PML: variants seen among roughly 807,000 people sequenced by gnomAD.
PML encodes the protein protein PML.
In PML, 28 loss-of-function variants were observed where a neutral mutation model predicts 65.2. The observed-to-expected ratio is 0.43, with a 90% CI of 0.32 to 0.59. The LOEUF (loss-of-function observed/expected upper bound fraction) is 0.59. Among genes scored for constraint, PML ranks in the 20% least tolerant of loss-of-function variants. PML has a pLI of 0.08. For missense variants in PML, 1,021 were observed against 1,203.4 expected (o/e 0.85, Z 2.24); for synonymous variants, 500 against 508.8 (o/e 0.98, Z 0.23).
intron 4 of PML, chr15:74,031,230 T>C: frequency 2.3e-6 from 1 of 442,888 alleles, no homozygotes; most frequent in South Asian, 1.6e-5. Context: ...AATAGGATCA[T>C]ACAATGTGTA....
intron 7 of PML, chr15:74,041,575 G>C (rs2141894502): frequency 6.6e-6 from 1 of 152,378 alleles, no homozygotes; most frequent in Admixed American, 6.5e-5. Flanking sequence ...TTCATAGTGA[G>C]TGTCTGCTTC....
chr15:74,019,126 G>A (rs4287518), intron 2 of PML, among the ~76,000 whole-genome samples: 60,607 of 152,154 alleles, frequency 0.4, 12,179 homozygotes, highest in Middle Eastern at 0.5. Flanking sequence ...GACACTTGCC[G>A]CCCATTTCCA....
chr15:74,035,598 G>A lies in PML; in HGVS notation c.1710+1068G>A. On this transcript the variant is annotated intron_variant, in intron 7 of 8. Coordinates refer to ENST00000268058, the MANE Select transcript of PML (RefSeq NM_033238.3). This position sits in a 1 kb window ranked among gnomAD's most constrained non-coding sequence, Gnocchi z 4.1. ...TCCTGCCAATGCCCAGGAACATCCT[G>A]CCCAGCTGCAAAGGGGCATCAGCCC... is the stretch of plus-strand genomic sequence containing the variant. The A allele has an allele frequency of 1.2e-6, 2 of 1,612,646 alleles. No homozygotes were observed. The highest frequency in any genetic ancestry group is 1.7e-6 in the Non-Finnish European group (2 of 1,179,980).
rs1454752142 is a variant in PML at position 74,046,428 on chromosome 15, C to G, written c.*1420C>G. On this transcript the variant is annotated 3_prime_UTR_variant, in exon 9 of 9. Coordinates refer to ENST00000268058, the MANE Select transcript of PML (RefSeq NM_033238.3). ...CTCTAGCCTCCATGGCTGATGACCT[C>G]AGCTTTCACACTGGTGAAGTCTGTG... The G allele has an allele frequency of 8.6e-6, 2 of 232,924 alleles. No homozygotes were observed. The highest frequency in any genetic ancestry group is 1.2e-4 in the East Asian group (2 of 16,548). The allele number at this position is 232,924 out of a possible 1,614,324, so 14.4% of individuals were successfully genotyped here. A position where few individuals can be genotyped will look rare whatever the true frequency, so the allele number is the denominator to read the frequency against.
chr15:74,008,215 C>T (rs1181095606), intron 2 of PML, among the ~76,000 whole-genome samples: 1 of 152,182 alleles, frequency 6.6e-6, no homozygotes, highest in African/African-American at 2.4e-5. Flanking sequence ...GAGTTTGCAG[C>T]ATCTCAGGAA....
intron 2 of PML, among the ~76,000 whole-genome samples, chr15:74,018,410 C>T (rs1426772713): frequency 3.3e-5 from 5 of 151,468 alleles, no homozygotes; most frequent in East Asian, 1.9e-4. Flanking sequence ...TTGCCTTAAA[C>T]CTGTTTATTA....
intron 2 of PML, 117 bp from the exon 3 acceptor site, chr15:74,022,711 C>A: frequency 2.3e-6 from 2 of 862,828 alleles, no homozygotes; most frequent in South Asian, 2.9e-5. Context: ...AAGCAGAAAC[C>A]TAGAAACATG....
rs762260017 is a variant in PML, at chr15:74,032,720, G to A, written c.1398+5G>A. 2.0e-5 allele frequency: 33 copies of A among 1,614,082 alleles called. No individual in the cohort carries two copies. Among genetic ancestry groups the A allele is most frequent in the Non-Finnish European group, 2.8e-5 (33 of 1,179,912 alleles). On this transcript the variant is annotated splice_donor_5th_base_variant and intron_variant, in intron 5 of 8. Transcript: ENST00000268058. ...AAAGGCCCTTCCTATGGAGAGGTAA[G>A]GTTCTCCCCAGCCCCAGCCTTCCCT...
intron 2 of PML, among the ~76,000 whole-genome samples, chr15:74,014,743 C>T (rs2070491107): frequency 6.6e-6 from 1 of 151,492 alleles, no homozygotes; most frequent in Non-Finnish European, 1.5e-5. Flanking sequence ...GCCTGGGTGG[C>T]AGAGCGAGAC....
Position 74,042,528 on chromosome 15 carries a change from C to T in PML, c.1711-461C>T. On this transcript the variant is annotated intron_variant, in intron 7 of 8. Coordinates refer to ENST00000268058, the MANE Select transcript of PML (RefSeq NM_033238.3). The surrounding 1 kb of genome is among the most constrained non-coding windows in gnomAD (Gnocchi z 5.3). ...TCAGAAAGATGAAATTAGGAGCAGA[C>T]ATCTCAGGTCCTGCCTGCCATAGCA... 3 of 985,436 alleles carry T rather than the reference C, an allele frequency of 3.0e-6. No homozygotes were observed. Among genetic ancestry groups the T allele is most frequent in the Non-Finnish European group, 3.6e-6 (3 of 829,908 alleles). The allele number at this position is 985,436 out of a possible 1,614,324, so 61.0% of individuals were successfully genotyped here.
intron 2 of PML, among the ~76,000 whole-genome samples, chr15:74,013,635 G>A (rs896314133): frequency 6.6e-6 from 1 of 151,440 alleles, no homozygotes; most frequent in Admixed American, 6.6e-5. Context: ...CTGAATAGAA[G>A]AGCTGCCCGT....
At chr15:74,005,637 C>G (rs554396900) in intron 2 of PML, among the ~76,000 whole-genome samples, 1 of 151,296 alleles carries the variant, frequency 6.6e-6, no homozygotes, top group Non-Finnish European at 1.5e-5. Context: ...TCTCAGGATG[C>G]TTTTTCTTGG....
In PML at chr15:73,998,318, C is replaced by T. The variant is rs1567115775; in HGVS notation, c.444C>T (p.Cys148=). The T allele has an allele frequency of 3.1e-6, 5 of 1,614,138 alleles. No homozygotes were observed. The highest frequency in any genetic ancestry group is 1.7e-5 in the Admixed American group (1 of 60,022). Residue 148 remains cysteine (C), a synonymous_variant, in exon 2 of 9, where the codon TGC becomes TGT. Transcript: ENST00000268058. ...FWCFECEQLL[C]AKCFEAHQWF... ...GCTTTGAGTGCGAGCAGCTCCTCTG[C>T]GCCAAGTGCTTCGAGGCACACCAGT...
At chr15:74,015,189 T>C (rs945757947) in intron 2 of PML, among the ~76,000 whole-genome samples, 1 of 152,198 alleles carries the variant, frequency 6.6e-6, no homozygotes, top group African/African-American at 2.4e-5. Flanking sequence ...GGGAGGTCCA[T>C]AGGAATAATG....
chr15:74,021,871 C>G (rs2070850070), intron 2 of PML, among the ~76,000 whole-genome samples: 1 of 152,236 alleles, frequency 6.6e-6, no homozygotes, highest in African/African-American at 2.4e-5. Flanking sequence ...GAGAATACAT[C>G]TGATCTGTGC....
rs180827628 is a variant in PML at position 74,034,429 on chromosome 15, A to G, written c.1658-49A>G. ...ATAGGTGCACACCCACACCCCTCCCAGCATGCATCCTAGGCAGTTCATAAT... is the reference window on the plus strand; with the variant it reads ...ATAGGTGCACACCCACACCCCTCCCGGCATGCATCCTAGGCAGTTCATAAT... On this transcript the variant is annotated intron_variant, in intron 6 of 8. Coordinates refer to ENST00000268058, the MANE Select transcript of PML (RefSeq NM_033238.3). 1.3e-4 allele frequency: 202 copies of G among 1,613,830 alleles called. No individual in the cohort carries two copies. In the African/African-American group the frequency reaches 2.6e-3, roughly 21 times the overall value.
At chr15:74,040,809 G>C (rs1411866355) in intron 7 of PML, among the ~76,000 whole-genome samples, 3 of 152,190 alleles carry the variant, frequency 2.0e-5, no homozygotes, top group Non-Finnish European at 4.4e-5. Context: ...TGGTGGAAAG[G>C]GGGTGTCCTT....
In PML at chr15:73,994,873, C is replaced by A; in HGVS notation, c.61C>A (p.Pro21Thr). The A allele has an allele frequency of 1.3e-6, 2 of 1,554,640 alleles. No individual in the cohort carries two copies. Among genetic ancestry groups the A allele is most frequent in the Non-Finnish European group, 1.7e-6 (2 of 1,147,632 alleles). Residue 21 changes from proline to threonine, a missense_variant, in exon 1 of 9, where the codon CCC (proline) becomes ACC (threonine). Pro to Thr is a conservative substitution (Grantham distance 38, BLOSUM62 -1). Coordinates refer to ENST00000268058, the MANE Select transcript of PML (RefSeq NM_033238.3). ...PQQDPARPQEPTMPPPETPSE... is the reference protein window; with the variant it reads ...PQQDPARPQETTMPPPETPSE... Reference sequence around the variant, plus strand: ...GCAGGACCCCGCCCGGCCCCAGGAGCCCACCATGCCTCCCCCCGAGACCCC... The same window carrying A: ...GCAGGACCCCGCCCGGCCCCAGGAGACCACCATGCCTCCCCCCGAGACCCC...
At position 74,036,536 on chromosome 15, in the gene PML, A is replaced by G. The variant is rs114280158; in HGVS notation, c.1710+2006A>G. ...CCCTCTTCCTCCCACACTCATGGGCATCAGAGGTGGGAGGTAGGGTCAAGG... is the reference window on the plus strand; with the variant it reads ...CCCTCTTCCTCCCACACTCATGGGCGTCAGAGGTGGGAGGTAGGGTCAAGG... On this transcript the variant is annotated intron_variant, in intron 7 of 8. Coordinates refer to ENST00000268058, the MANE Select transcript of PML (RefSeq NM_033238.3). 373 of 949,804 alleles carry G rather than the reference A, an allele frequency of 3.9e-4. No homozygotes were observed. In the African/African-American group the frequency reaches 6.1e-3, roughly 16 times the overall value. 58.8% of individuals were successfully genotyped at this position (949,804 alleles called of 1,614,324 possible).
Sources: allele counts gnomAD v4.1 joint callset (sites outside exome capture counted in the v4.1 genomes callset), GRCh38; gene constraint gnomAD v4.1.1; non-coding constraint Gnocchi (gnomAD v3.1); transcripts MANE v1.5; gene names NCBI Gene and HGNC (gene_info 2026-07-23, HGNC 2026-07-21).